The following GPD1L variants were observed in gnomAD, a reference collection of about 807,000 sequenced individuals.
GPD1L encodes the protein glycerol-3-phosphate dehydrogenase 1-like protein.
A neutral mutation model predicts 32.9 loss-of-function variants in GPD1L; 17 were observed. The observed-to-expected ratio is 0.52, with a 90% CI of 0.35 to 0.78. The LOEUF (loss-of-function observed/expected upper bound fraction) is 0.78, where lower values mean the gene tolerates loss of function less well. Among genes scored for constraint, GPD1L ranks in the 30% least tolerant of loss-of-function variants. GPD1L has a pLI of 0.01. For synonymous variants in GPD1L, 187 were observed against 165.9 expected, an observed-to-expected ratio of 1.13 and a Z score of -0.98; for missense variants, 361 against 447.8, an observed-to-expected ratio of 0.81 and a Z score of 1.75.
intron 1 of GPD1L, among the ~76,000 whole-genome samples, chr3:32,108,910 C>T (rs1029824881): frequency 7.9e-5 from 12 of 152,254 alleles, no homozygotes; most frequent in Admixed American, 4.6e-4. Context: ...AGTGCAGTGG[C>T]GCGATCTCTG....
intron 4 of GPD1L, among the ~76,000 whole-genome samples, chr3:32,145,727 CACCTAG>C (rs1244801664): frequency 6.6e-6 from 1 of 152,152 alleles, no homozygotes; most frequent in Non-Finnish European, 1.5e-5. Context: ...TGCACAGAGT[CACCTAG>C]ACAGCCTGGT....
intron 2 of GPD1L, among the ~76,000 whole-genome samples, chr3:32,131,471 T>G (rs1193181633): frequency 6.6e-6 from 1 of 152,242 alleles, no homozygotes; most frequent in Non-Finnish European, 1.5e-5. Context: ...GATTTACCTG[T>G]TCTCCATATT....
intron 2 of GPD1L, among the ~76,000 whole-genome samples, chr3:32,138,215 T>C (rs1366680259): frequency 6.6e-6 from 1 of 151,954 alleles, no homozygotes; most frequent in Non-Finnish European, 1.5e-5. Context: ...CCTGGGGAAA[T>C]AGTTTAGAGA....
At chr3:32,159,910 G>C (rs1340717482) in intron 7 of GPD1L, among the ~76,000 whole-genome samples, 5 of 152,196 alleles carry the variant, frequency 3.3e-5, no homozygotes, top group Non-Finnish European at 7.3e-5. Context: ...AATTCTATAA[G>C]TCATGTTATA....
chr3:32,126,156 C>T (rs1212728585), intron 1 of GPD1L, among the ~76,000 whole-genome samples: 1 of 152,158 alleles, frequency 6.6e-6, no homozygotes, highest in Non-Finnish European at 1.5e-5. Context: ...GACTGTGCCA[C>T]TGCACTCCAG....
intron 4 of GPD1L, among the ~76,000 whole-genome samples, chr3:32,145,477 G>T (rs1700806412): frequency 6.6e-6 from 1 of 152,168 alleles, no homozygotes. Flanking sequence ...ACCCTACCTT[G>T]TATCTATGGC....
intron 5 of GPD1L, among the ~76,000 whole-genome samples, chr3:32,148,847 G>A (rs898659086): frequency 6.6e-6 from 1 of 152,094 alleles, no homozygotes; most frequent in African/African-American, 2.4e-5. Context: ...TTTTCCCCCC[G>A]ACTATAACAC....
intron 2 of GPD1L, among the ~76,000 whole-genome samples, chr3:32,131,158 T>G (rs565071755): frequency 3.9e-5 from 6 of 152,208 alleles, no homozygotes; most frequent in Non-Finnish European, 8.8e-5. Context: ...TTTGCTTCCC[T>G]GTTCCAGCTT....
At chr3:32,126,701 T>C (rs1475261760) in intron 1 of GPD1L, among the ~76,000 whole-genome samples, 1 of 152,244 alleles carries the variant, frequency 6.6e-6, no homozygotes, top group Non-Finnish European at 1.5e-5. Flanking sequence ...ATAGCCTTGA[T>C]ATCTACAGCT....
chr3:32,162,383 T>TTCAAAGGCCGTG (rs1701084753), intron 7 of GPD1L, among the ~76,000 whole-genome samples: 1 of 108,220 alleles, frequency 9.2e-6, no homozygotes, highest in African/African-American at 4.7e-5. Context: ...TAATTACCTT[T>TTCAAAGGCCGTG]TCTTTTTTTT....
chr3:32,146,128 C>A (rs1345936518), intron 4 of GPD1L, among the ~76,000 whole-genome samples: 2 of 148,956 alleles, frequency 1.3e-5, no homozygotes, highest in African/African-American at 5.0e-5. Context: ...GCTCTGTTGC[C>A]CAGGATGGAG....
At chr3:32,136,399 G>A (rs1248730261) in intron 2 of GPD1L, among the ~76,000 whole-genome samples, 1 of 152,144 alleles carries the variant, frequency 6.6e-6, no homozygotes, top group Admixed American at 6.5e-5. Flanking sequence ...AACAAGTTAA[G>A]AACCACCCCT....
chr3:32,136,217 C>T (rs1047343046), intron 2 of GPD1L, among the ~76,000 whole-genome samples: 28 of 152,224 alleles, frequency 1.8e-4, no homozygotes, highest in African/African-American at 6.8e-4. Context: ...AGGTTCTCCC[C>T]TCACATTTGT....
chr3:32,121,503 C>A (rs28693903), intron 1 of GPD1L, among the ~76,000 whole-genome samples: 2,530 of 82,666 alleles, frequency 0.031, 94 homozygotes, highest in African/African-American at 0.064. Flanking sequence ...ATATATTTCT[C>A]TCTATATATA....
intron 2 of GPD1L, among the ~76,000 whole-genome samples, chr3:32,130,822 G>C (rs1700578092): frequency 6.6e-6 from 1 of 152,026 alleles, no homozygotes; most frequent in African/African-American, 2.4e-5. Flanking sequence ...AGACCACCCT[G>C]GCCAACATGG....
chr3:32,131,464 T>C, intron 2 of GPD1L, among the ~76,000 whole-genome samples: 1 of 152,226 alleles, frequency 6.6e-6, no homozygotes. Context: ...CTCTATAGAT[T>C]TACCTGTTCT....
At chr3:32,115,390 A>G (rs981580218) in intron 1 of GPD1L, among the ~76,000 whole-genome samples, 6 of 152,206 alleles carry the variant, frequency 3.9e-5, no homozygotes, top group African/African-American at 1.4e-4. Flanking sequence ...ACAATACTTT[A>G]GCTAGGCAGA....
At chr3:32,161,285 T>A (rs1479332824) in intron 7 of GPD1L, among the ~76,000 whole-genome samples, 1 of 152,178 alleles carries the variant, frequency 6.6e-6, no homozygotes, top group Admixed American at 6.5e-5. Flanking sequence ...TTTATTTTTC[T>A]GAAATGGCTT....
chr3:32,130,454 T>A (rs1700571303), intron 2 of GPD1L, among the ~76,000 whole-genome samples: 1 of 152,158 alleles, frequency 6.6e-6, no homozygotes, highest in Non-Finnish European at 1.5e-5. Context: ...GCTCACTGTT[T>A]ATGCTGTCAT....
Sources: gnomAD v4.1 joint callset for allele counts (sites outside exome capture counted in the v4.1 genomes callset) on GRCh38, gnomAD v4.1.1 for gene constraint, MANE v1.5 for transcripts, NCBI Gene and HGNC (gene_info 2026-07-23, HGNC 2026-07-21) for gene names.